VPS41: variants seen among roughly 807,000 people sequenced by gnomAD.
VPS41 encodes vacuolar protein sorting-associated protein 41 homolog.
A neutral mutation model predicts 130.9 loss-of-function variants in VPS41; 85 were observed. That is an observed-to-expected ratio of 0.65 (90% CI 0.55 to 0.78). The LOEUF (loss-of-function observed/expected upper bound fraction) is 0.78. VPS41 is among the 30% of genes least tolerant of loss of function. The pLI, the probability that VPS41 is intolerant of heterozygous loss-of-function variation, is 0.00. For missense variants in VPS41, 874 were observed against 1,018.7 expected (o/e 0.86, Z 1.93); for synonymous variants, 335 against 332.9 (o/e 1.01, Z -0.07).
intron 4 of VPS41, among the ~76,000 whole-genome samples, chr7:38,846,200 T>C (rs929463109): frequency 6.6e-6 from 1 of 152,158 alleles, no homozygotes; most frequent in Non-Finnish European, 1.5e-5. Context: ...CCCCAGTACT[T>C]TGAACACAAC....
intron 2 of VPS41, among the ~76,000 whole-genome samples, chr7:38,892,854 C>G (rs1786896406): frequency 6.6e-6 from 1 of 152,150 alleles, no homozygotes; most frequent in South Asian, 2.1e-4. Context: ...ATCTTCCTGA[C>G]TCCCCATTTG....
chr7:38,746,707 C>T (rs577724470), intron 22 of VPS41, among the ~76,000 whole-genome samples: 15 of 152,066 alleles, frequency 9.9e-5, no homozygotes, highest in African/African-American at 3.4e-4. Flanking sequence ...CTTTCTATTG[C>T]ATCGCTCCAC....
chr7:38,734,576 CATT>C (rs1795727956), intron 25 of VPS41, among the ~76,000 whole-genome samples: 1 of 152,132 alleles, frequency 6.6e-6, no homozygotes. Context: ...AGTTCATCAT[CATT>C]GATAATAATC....
chr7:38,776,575 T>C, intron 11 of VPS41, 104 bp downstream of exon 11: 1 of 613,420 alleles, frequency 1.6e-6, no homozygotes, highest in South Asian at 2.2e-5. Flanking sequence ...GGTCAGAAAG[T>C]TCTGCTCAGA....
chr7:38,808,903 T>G (rs1406835537), intron 7 of VPS41, among the ~76,000 whole-genome samples: 1 of 152,194 alleles, frequency 6.6e-6, no homozygotes, highest in Non-Finnish European at 1.5e-5. Flanking sequence ...TAAAAAGATT[T>G]GTAGCCAGGG....
chr7:38,821,980 A>T (rs994534606), intron 5 of VPS41, among the ~76,000 whole-genome samples: 6 of 152,126 alleles, frequency 3.9e-5, no homozygotes, highest in Non-Finnish European at 8.8e-5. Context: ...TGTCTCTCAT[A>T]TATATAAAAT....
chr7:38,776,094 CT>C (rs1784254529), intron 11 of VPS41, among the ~76,000 whole-genome samples: 1 of 152,160 alleles, frequency 6.6e-6, no homozygotes, highest in South Asian at 2.1e-4. Context: ...AATATATAAG[CT>C]TCTTCCAAAG....
chr7:38,904,371 T>G (rs1194661416), intron 1 of VPS41, among the ~76,000 whole-genome samples: 1 of 152,198 alleles, frequency 6.6e-6, no homozygotes, highest in Non-Finnish European at 1.5e-5. Flanking sequence ...GTGACTACAT[T>G]TTAGTTACAT....
intron 2 of VPS41, among the ~76,000 whole-genome samples, chr7:38,892,768 G>T (rs900499554): frequency 1.3e-5 from 2 of 152,116 alleles, no homozygotes; most frequent in African/African-American, 4.8e-5. Context: ...TCAGAATTCA[G>T]GATTAGAACA....
At chr7:38,749,771 A>C (rs1163151632) in intron 22 of VPS41, among the ~76,000 whole-genome samples, 4 of 152,230 alleles carry the variant, frequency 2.6e-5, no homozygotes, top group African/African-American at 9.6e-5. Context: ...GTCATTCGCA[A>C]ATTGGTACAT....
intron 5 of VPS41, among the ~76,000 whole-genome samples, chr7:38,828,322 T>C (rs555666006): frequency 5.3e-5 from 8 of 152,036 alleles, no homozygotes; most frequent in East Asian, 3.9e-4. Context: ...AAAAAAAAGA[T>C]TGAAAATGAG....
intron 4 of VPS41, among the ~76,000 whole-genome samples, chr7:38,833,315 G>C (rs955239325): frequency 6.6e-6 from 1 of 152,124 alleles, no homozygotes; most frequent in Non-Finnish European, 1.5e-5. Context: ...ATGTTAACAG[G>C]TTGATAAGAG....
At chr7:38,870,738 T>TAAAAA (rs1786334268) in intron 2 of VPS41, among the ~76,000 whole-genome samples, 1 of 68,488 alleles carries the variant, frequency 1.5e-5, no homozygotes, top group Admixed American at 1.7e-4. Flanking sequence ...GACTATATGT[T>TAAAAA]CAAAAAAAAA....
At chr7:38,752,009 T>C (rs564208038) in intron 22 of VPS41, among the ~76,000 whole-genome samples, 167 bp downstream of exon 22, 3 of 152,360 alleles carry the variant, frequency 2.0e-5, no homozygotes, top group Admixed American at 2.0e-4. Flanking sequence ...GAGATCTCCT[T>C]TTCTTGACAG....
At chr7:38,738,124 T>A (rs751409432) in intron 25 of VPS41, among the ~76,000 whole-genome samples, 1 of 152,212 alleles carries the variant, frequency 6.6e-6, no homozygotes, top group South Asian at 2.1e-4. Context: ...AGATTTCCAC[T>A]GCACCATGAC....
At chr7:38,819,284 A>C (rs527901135) in intron 6 of VPS41, among the ~76,000 whole-genome samples, 1 of 152,256 alleles carries the variant, frequency 6.6e-6, no homozygotes, top group African/African-American at 2.4e-5. Context: ...GACTCTTCCA[A>C]GATTATCTTC....
chr7:38,848,578 C>T (rs1056089888), intron 4 of VPS41, among the ~76,000 whole-genome samples: 2 of 152,168 alleles, frequency 1.3e-5, no homozygotes, highest in Non-Finnish European at 2.9e-5. Context: ...CTAATGTTTA[C>T]TAAGCCTTAT....
Position 38,774,934 on chromosome 7 carries a change from C to T in VPS41, c.883-690G>A, listed in dbSNP as rs116203427. Among the ~76,000 whole-genome samples the T allele has an allele frequency of 5.5e-3, 844 of 152,182 alleles. 7 individuals are homozygous for T. The highest frequency in any genetic ancestry group is 0.018 in the African/African-American group (766 of 41,524). The stretch of plus-strand genomic sequence containing the variant: ...CCAAGCAGATGGAATAGTACACAAC[C>T]ACTAAACACAATGATGGTGGCAAGT... On this transcript the variant is annotated intron_variant, in intron 11 of 28. Coordinates refer to ENST00000310301, the MANE Select transcript of VPS41 (RefSeq NM_014396.4).
intron 4 of VPS41, among the ~76,000 whole-genome samples, chr7:38,847,818 T>C (rs929811666): frequency 7.2e-5 from 11 of 152,236 alleles, no homozygotes; most frequent in Non-Finnish European, 1.3e-4. Context: ...GATTTAATGA[T>C]AGCTGCAGCA....
Sources: allele counts gnomAD v4.1 joint callset (sites outside exome capture counted in the v4.1 genomes callset), GRCh38; gene constraint gnomAD v4.1.1; transcripts MANE v1.5; gene names NCBI Gene and HGNC (gene_info 2026-07-23, HGNC 2026-07-21).